CDC20B: variants seen among roughly 807,000 people sequenced by gnomAD.
CDC20B encodes cell division cycle 20B.
Under a neutral mutation model 64.1 loss-of-function variants are expected in CDC20B, and 58 were observed. That is an observed-to-expected ratio of 0.90 (90% CI 0.73 to 1.13). The LOEUF is 1.13. CDC20B is among the 50% of genes most tolerant of loss of function. CDC20B has a pLI of 0.00. For missense variants in CDC20B, 597 were observed against 633.0 expected (o/e 0.94, Z 0.61); for synonymous variants, 243 against 230.6 (o/e 1.05, Z -0.49).
intron 5 of CDC20B, among the ~76,000 whole-genome samples, chr5:55,139,578 G>C (rs1189367038): frequency 6.6e-6 from 1 of 152,086 alleles, no homozygotes; most frequent in Non-Finnish European, 1.5e-5. Context: ...TTAATACTCA[G>C]CTAAACAATT....
rs1466399006 is a variant in CDC20B at position 55,120,542 on chromosome 5, A to G, written c.1224T>C (p.Asp408=). Residue 408 remains aspartate, a synonymous_variant, in exon 10 of 12, where the codon GAT becomes GAC. Transcript: ENST00000381375. ...ITQSTAVKAM[D]WCPWQSGVLA... is the part of the protein sequence containing the mutation. The stretch of plus-strand genomic sequence containing the variant: ...GGACCCCAGACTGCCAGGGACACCA[A>G]TCCATGGCCTTTAAAGTTTCACATA... 6.2e-7 allele frequency: 1 copy of G among 1,613,318 alleles called. No homozygotes were observed. Among genetic ancestry groups the G allele is most frequent in the Non-Finnish European group, 8.5e-7 (1 of 1,179,490 alleles).
intron 2 of CDC20B, among the ~76,000 whole-genome samples, chr5:55,152,490 A>G (rs1743694189): frequency 6.6e-6 from 1 of 152,210 alleles, no homozygotes; most frequent in Non-Finnish European, 1.5e-5. Context: ...ATTTCAGAAT[A>G]CAGAGTTGGA....
chr5:55,120,296 T>C, intron 10 of CDC20B, 129 bp downstream of exon 10: 1 of 1,018,766 alleles, frequency 9.8e-7, no homozygotes, highest in Non-Finnish European at 1.5e-6. Context: ...AAGAAACTCT[T>C]GAGAACTCAA....
At chr5:55,143,679 T>C in intron 3 of CDC20B, 36 bp from the exon 4 acceptor site, 1 of 1,547,052 alleles carries the variant, frequency 6.5e-7, no homozygotes, top group Middle Eastern at 1.7e-4. Flanking sequence ...ATTTGGTTTT[T>C]AAAACAAGAT....
intron 1 of CDC20B, 93 bp downstream of exon 1, chr5:55,172,845 G>A (rs1188632782): frequency 7.1e-6 from 9 of 1,258,842 alleles, no homozygotes; most frequent in Non-Finnish European, 9.8e-6. Context: ...TTAGAGTTTC[G>A]TACCACCTCT....
In CDC20B at chr5:55,142,550, T is replaced by C. The variant is rs562359182; in HGVS notation, c.486+963A>G. Among the ~76,000 whole-genome samples the C allele has an allele frequency of 8.0e-4, 122 of 152,030 alleles. 1 individual carries two copies. Among genetic ancestry groups the C allele is most frequent in the Admixed American group, 1.3e-3 (20 of 15,266 alleles). Reference sequence around the variant, plus strand: ...GGAAGGAAAAGGAAGTCTTAAGGGGTAGGGCAGCAAAAACTCCAATCAGCA... The same window carrying C: ...GGAAGGAAAAGGAAGTCTTAAGGGGCAGGGCAGCAAAAACTCCAATCAGCA... On this transcript the variant is annotated intron_variant, in intron 4 of 11. Transcript: ENST00000381375.
At chr5:55,116,410 A>T (rs1302583266) in intron 11 of CDC20B, among the ~76,000 whole-genome samples, 1 of 152,180 alleles carries the variant, frequency 6.6e-6, no homozygotes, top group African/African-American at 2.4e-5. Flanking sequence ...CCTAAAAAGA[A>T]GAGGATAAAT....
At chr5:55,132,866 T>C (rs1245197573) in intron 6 of CDC20B, among the ~76,000 whole-genome samples, 1 of 152,246 alleles carries the variant, frequency 6.6e-6, no homozygotes, top group African/African-American at 2.4e-5. Flanking sequence ...CCTTCTCCTC[T>C]ATACCTTTCC....
chr5:55,172,707 C>G, intron 1 of CDC20B, 57 bp from the exon 2 acceptor site: 1 of 1,291,400 alleles, frequency 7.7e-7, no homozygotes, highest in East Asian at 2.4e-5. Flanking sequence ...ATCATAATTT[C>G]AGGTGTGGAA....
intron 3 of CDC20B, among the ~76,000 whole-genome samples, chr5:55,143,944 A>G (rs1743401462): frequency 6.6e-6 from 1 of 151,598 alleles, no homozygotes; most frequent in African/African-American, 2.4e-5. Flanking sequence ...AAGATTAAAG[A>G]CCTGACTTCA....
In CDC20B at chr5:55,172,628, G is replaced by C. The variant is rs765341061; in HGVS notation, c.86C>G (p.Ser29Cys). 2.5e-6 allele frequency: 4 copies of C among 1,613,066 alleles called. 1 individual carries two copies. The South Asian group carries it at 4.4e-5, about 18-fold the overall frequency. The change falls in exon 2 of 12, where the codon TCC becomes TGC. Residue 29 changes from serine to cysteine, a missense_variant. By Grantham distance (112) the Ser-to-Cys change is moderately radical. Coordinates refer to ENST00000381375, the MANE Select transcript of CDC20B (RefSeq NM_001170402.1). Reference sequence around the variant, plus strand: ...ACTTCTCTTCTGCTTCAAGTCTTTGGAGAGCACACGCATGATACTTTCCTT... The same window carrying C: ...ACTTCTCTTCTGCTTCAAGTCTTTGCAGAGCACACGCATGATACTTTCCTT... ...MLWESIMRVL[S>C]KDLKQKRSQD... is the part of the protein sequence containing the mutation.
chr5:55,153,557 C>A (rs1743730708), intron 2 of CDC20B, among the ~76,000 whole-genome samples: 1 of 152,088 alleles, frequency 6.6e-6, no homozygotes, highest in South Asian at 2.1e-4. Context: ...CTGCCAGTGT[C>A]CTAGATGGCA....
At position 55,113,863 on chromosome 5, in the gene CDC20B, T is replaced by C. The variant is rs532492122; in HGVS notation, c.*355A>G. 50 of 194,662 alleles carry C rather than the reference T, an allele frequency of 2.6e-4. No individual in the cohort carries two copies. The highest frequency in any genetic ancestry group is 9.7e-4 in the African/African-American group (41 of 42,372). The allele number at this position is 194,662 out of a possible 1,614,324, so 12.1% of individuals were successfully genotyped here. A position where few individuals can be genotyped will look rare whatever the true frequency, so the allele number is the denominator to read the frequency against. On this transcript the variant is annotated 3_prime_UTR_variant, in exon 12 of 12. Coordinates refer to ENST00000381375, the MANE Select transcript of CDC20B (RefSeq NM_001170402.1). ...AACTATCCTGAGGCAATCAGAAATATGAGGTTTGGAGCTGGGGAGAAAAGT... is the reference window on the plus strand; with the variant it reads ...AACTATCCTGAGGCAATCAGAAATACGAGGTTTGGAGCTGGGGAGAAAAGT...
In CDC20B at chr5:55,114,856, A is replaced by G. The variant is rs1234678158; in HGVS notation, c.1460-538T>C. Among the ~76,000 whole-genome samples, 2 of 152,214 alleles carry G rather than the reference A, an allele frequency of 1.3e-5. No individual in the cohort carries two copies. Among genetic ancestry groups the G allele is most frequent in the South Asian group, 4.1e-4 (2 of 4,830 alleles). ...GATAATCCAGGATGATTTTATTTCC[A>G]GATCCTTAATGACATCTCCAAATGC... is the stretch of plus-strand genomic sequence containing the variant. On this transcript the variant is annotated intron_variant, in intron 11 of 11. Coordinates refer to ENST00000381375, the MANE Select transcript of CDC20B (RefSeq NM_001170402.1). The surrounding 1 kb of genome is among the most constrained non-coding windows in gnomAD (Gnocchi z 4.1).
chr5:55,158,925 G>T (rs1294827874), intron 2 of CDC20B, among the ~76,000 whole-genome samples: 7 of 152,122 alleles, frequency 4.6e-5, no homozygotes, highest in African/African-American at 1.7e-4. Context: ...GTTTTGCAGG[G>T]TTTGTTTGTT....
chr5:55,160,253 G>GT, intron 2 of CDC20B: 1 of 1,614,002 alleles, frequency 6.2e-7, no homozygotes, highest in Non-Finnish European at 8.5e-7. Context: ...GGTATTTGCA[G>GT]TTTTGCTGTC....
intron 8 of CDC20B, 26 bp from the exon 9 acceptor site, chr5:55,125,054 T>C: frequency 6.3e-7 from 1 of 1,576,092 alleles, no homozygotes; most frequent in Non-Finnish European, 8.7e-7. Context: ...ACAAAAAAAT[T>C]AAGCCCTGTT....
chr5:55,172,635 C>G lies in CDC20B; in HGVS notation c.79G>C (p.Val27Leu). ...EEMLWESIMRVLSKDLKQKRS... is the reference protein window; with the variant it reads ...EEMLWESIMRLLSKDLKQKRS... ...TTCTGCTTCAAGTCTTTGGAGAGCA[C>G]ACGCATGATACTTTCCTTTGAAAAC... The change falls in exon 2 of 12, where the codon GTG becomes CTG. Residue 27 changes from valine to leucine, a missense_variant. Around this residue, in one of 3 missense-constraint regions of CDC20B, gnomAD observed 241 missense variants for 219.2 expected, o/e 1.10. Coordinates refer to ENST00000381375, the MANE Select transcript of CDC20B (RefSeq NM_001170402.1). 1 of 1,612,220 alleles carries G rather than the reference C, an allele frequency of 6.2e-7. No individual in the cohort carries two copies. The highest frequency in any genetic ancestry group is 8.5e-7 in the Non-Finnish European group (1 of 1,178,468).
At chr5:55,169,975 A>G (rs1744539304) in intron 2 of CDC20B, among the ~76,000 whole-genome samples, 1 of 152,092 alleles carries the variant, frequency 6.6e-6, no homozygotes, top group African/African-American at 2.4e-5. Context: ...TTAGCCGGGC[A>G]TGGTAGCAGG....
Sources: gnomAD v4.1 joint callset for allele counts (sites outside exome capture counted in the v4.1 genomes callset) on GRCh38, gnomAD v4.1.1 for gene constraint, gnomAD v4.1.1 regional missense constraint, Gnocchi (gnomAD v3.1) non-coding constraint, MANE v1.5 for transcripts, NCBI Gene and HGNC (gene_info 2026-07-23, HGNC 2026-07-21) for gene names.